Variants in FAM47E observed in about 807,000 individuals in gnomAD.
The protein encoded by FAM47E is family with sequence similarity 47 member E.
A neutral mutation model predicts 41.6 loss-of-function variants in FAM47E; 32 were observed. That is an observed-to-expected ratio of 0.77 (90% CI 0.58 to 1.03). FAM47E has a LOEUF of 1.03. Ranked by LOEUF, FAM47E falls within the 50% of genes least tolerant of loss-of-function variation. FAM47E has a pLI of 0.00. For synonymous variants in FAM47E, 184 were observed against 188.7 expected, an observed-to-expected ratio of 0.98 and a Z score of 0.20; for missense variants, 424 against 485.4, an observed-to-expected ratio of 0.87 and a Z score of 1.19.
Position 76,271,743 on chromosome 4 carries a change from A to G in FAM47E, c.845A>G (p.Tyr282Cys), listed in dbSNP as rs1278618373. The change falls in exon 5 of 8, where the codon TAT (tyrosine) becomes TGT (cysteine). Residue 282 changes from tyrosine (Y) to cysteine (C), a missense_variant. By Grantham distance (194) the Tyr-to-Cys change is radical (BLOSUM62 -2). Coordinates refer to ENST00000424749, the MANE Select transcript of FAM47E (RefSeq NM_001136570.3). ...QETEFFQKLG[Y>C]ERKLQKPQNP... is the part of the protein sequence containing the mutation. ...ACAGAGTTCTTCCAGAAACTAGGCT[A>G]TGAGAGGAAACTCCAGAAACCACAG... is the stretch of plus-strand genomic sequence containing the variant. The G allele has an allele frequency of 4.5e-6, 7 of 1,551,532 alleles. No individual in the cohort carries two copies. The East Asian group carries it at 1.5e-4, about 32-fold the overall frequency.
chr4:76,283,259 T>C (rs1228157844), intron 7 of FAM47E, 122 bp from the exon 8 acceptor site: 2 of 562,670 alleles, frequency 3.6e-6, no homozygotes, highest in Non-Finnish European at 6.5e-6. Context: ...TGATTTTGCA[T>C]AGTGTAAGGA....
rs191258934 is a variant in FAM47E, at chr4:76,278,343, T to C, written c.1026+119T>C. On this transcript the variant is annotated intron_variant, in intron 6 of 7. Coordinates refer to ENST00000424749, the MANE Select transcript of FAM47E (RefSeq NM_001136570.3). ...CAAAGGCTCCTGAAAGCCCTCCACC[T>C]TGCATATTGAATTCAGCAAGGAGAA... The C allele has an allele frequency of 5.5e-4, 614 of 1,112,588 alleles. 1 individual carries two copies. The highest frequency in any genetic ancestry group is 6.8e-4 in the Non-Finnish European group (578 of 853,070). The allele number at this position is 1,112,588 out of a possible 1,614,324, so 68.9% of individuals were successfully genotyped here. A position where few individuals can be genotyped will look rare whatever the true frequency, so the allele number is the denominator to read the frequency against.
chr4:76,275,634 A>G (rs1020958693), intron 5 of FAM47E, among the ~76,000 whole-genome samples: 2 of 152,186 alleles, frequency 1.3e-5, no homozygotes, highest in Non-Finnish European at 2.9e-5. Flanking sequence ...TGTGCAGGAC[A>G]TAGGAAGAGG....
chr4:76,254,295 G>T (rs975727693), intron 1 of FAM47E, among the ~76,000 whole-genome samples: 1 of 152,124 alleles, frequency 6.6e-6, no homozygotes, highest in Non-Finnish European at 1.5e-5. Flanking sequence ...TCTCAGATTT[G>T]ATTTCATGAA....
rs901386814 is a variant in FAM47E at position 76,271,475 on chromosome 4, C to G, written c.670-93C>G. ...GCATTTTCTACCTCTCCCCAAACTACCTCTTTCCTCAGCGATGGCCCTCAG... is the reference window on the plus strand; with the variant it reads ...GCATTTTCTACCTCTCCCCAAACTAGCTCTTTCCTCAGCGATGGCCCTCAG... On this transcript the variant is annotated intron_variant, in intron 4 of 7. Coordinates refer to ENST00000424749, the MANE Select transcript of FAM47E (RefSeq NM_001136570.3). The G allele has an allele frequency of 1.0e-5, 15 of 1,429,118 alleles. No homozygotes were observed. In the Admixed American group the frequency reaches 2.7e-4, roughly 25 times the overall value. 88.5% of individuals were successfully genotyped at this position (1,429,118 alleles called of 1,614,324 possible).
intron 4 of FAM47E, among the ~76,000 whole-genome samples, chr4:76,270,038 T>C (rs1734821197): frequency 6.6e-6 from 1 of 152,178 alleles, no homozygotes; most frequent in African/African-American, 2.4e-5. Flanking sequence ...CTTACTTCAT[T>C]GGCAAGTGAC....
In FAM47E at chr4:76,271,556, A is replaced by G. The variant is rs1248876561; in HGVS notation, c.670-12A>G. 2.6e-6 allele frequency: 4 copies of G among 1,551,792 alleles called. No individual in the cohort carries two copies. The highest frequency in any genetic ancestry group is 2.0e-5 in the Admixed American group (1 of 50,974). ...GATTGCCCTCAATTCATGCAATGTG[A>G]TATTCTTCCAGGGAATTTCGGACAT... On this transcript the variant is annotated splice_polypyrimidine_tract_variant and intron_variant, in intron 4 of 7. Transcript: ENST00000424749.
At chr4:76,225,346 GAC>G (rs1255383546) in intron 2 of FAM47E, among the ~76,000 whole-genome samples, 1 of 152,164 alleles carries the variant, frequency 6.6e-6, no homozygotes, top group African/African-American at 2.4e-5. Flanking sequence ...AGCGAACAGT[GAC>G]AGTTTGACTT....
chr4:76,262,492 C>A (rs1734461318), intron 2 of FAM47E, among the ~76,000 whole-genome samples: 1 of 152,084 alleles, frequency 6.6e-6, no homozygotes, highest in African/African-American at 2.4e-5. Flanking sequence ...ATCTTTGCAT[C>A]ATTTCTAATG....
intron 2 of FAM47E, among the ~76,000 whole-genome samples, chr4:76,260,802 G>A (rs956783209): frequency 1.3e-5 from 2 of 152,140 alleles, no homozygotes; most frequent in African/African-American, 2.4e-5. Flanking sequence ...GAAACTATTT[G>A]CAAACTATAC....
rs542592539 is a variant in FAM47E at position 76,282,606 on chromosome 4, C to G, written c.1105-775C>G. 7 of 152,282 alleles carry G rather than the reference C, an allele frequency of 4.6e-5. No homozygotes were observed. The South Asian group carries it at 1.4e-3, about 32-fold the overall frequency. 9.4% of individuals were successfully genotyped at this position (152,282 alleles called of 1,614,324 possible). A position where few individuals can be genotyped will look rare whatever the true frequency, so the allele number is the denominator to read the frequency against. On this transcript the variant is annotated intron_variant, in intron 7 of 7. Transcript: ENST00000424749. Reference sequence around the variant, plus strand: ...CATGCAATTTTGTATTTACAATAATCAGGAGCATTTCATCTTTTATTCCGT... The same window carrying G: ...CATGCAATTTTGTATTTACAATAATGAGGAGCATTTCATCTTTTATTCCGT...
At chr4:76,269,787 CAA>C (rs5859506) in intron 4 of FAM47E, among the ~76,000 whole-genome samples, 1 of 146,700 alleles carries the variant, frequency 6.8e-6, no homozygotes, top group African/African-American at 2.5e-5. Flanking sequence ...GATCCTGTCT[CAA>C]AAAAAAAAAA....
chr4:76,236,050 A>G (rs1448553088), intron 2 of FAM47E, among the ~76,000 whole-genome samples: 1 of 152,212 alleles, frequency 6.6e-6, no homozygotes, highest in Non-Finnish European at 1.5e-5. Flanking sequence ...ACCAGAGCAA[A>G]GTATAACAAC....
intron 2 of FAM47E, among the ~76,000 whole-genome samples, chr4:76,259,144 A>T (rs921969462): frequency 7.9e-5 from 12 of 152,214 alleles, no homozygotes; most frequent in Admixed American, 7.9e-4. Flanking sequence ...CCTCTGCCAA[A>T]TTATTCAATT....
At chr4:76,252,136 A>C (rs977527069) in intron 1 of FAM47E, among the ~76,000 whole-genome samples, 1 of 151,864 alleles carries the variant, frequency 6.6e-6, no homozygotes, top group Admixed American at 6.6e-5. Flanking sequence ...CCTGCTAGCC[A>C]CCCACCCTTT....
chr4:76,214,894 T>G (rs1733171379), intron 1 of FAM47E, among the ~76,000 whole-genome samples: 1 of 152,190 alleles, frequency 6.6e-6, no homozygotes, highest in African/African-American at 2.4e-5. Context: ...GCAGGTGTGA[T>G]CCTTGTGAAG....
chr4:76,271,740 G>A lies in FAM47E; in HGVS notation c.842G>A (p.Gly281Asp). ...LQETEFFQKL[G>D]YERKLQKPQN... ...GAGACAGAGTTCTTCCAGAAACTAGGCTATGAGAGGAAACTCCAGAAACCA... is the reference window on the plus strand; with the variant it reads ...GAGACAGAGTTCTTCCAGAAACTAGACTATGAGAGGAAACTCCAGAAACCA... Residue 281 changes from glycine to aspartate, a missense_variant, in exon 5 of 8, where the codon GGC (glycine) becomes GAC (aspartate). Physicochemically the swap from Gly to Asp is moderately conservative, Grantham distance 94. Transcript: ENST00000424749. 1 of 1,551,604 alleles carries A rather than the reference G, an allele frequency of 6.4e-7. No homozygotes were observed. The highest frequency in any genetic ancestry group is 1.2e-5 in the South Asian group (1 of 84,042).
Position 76,268,658 on chromosome 4 carries a change from A to G in FAM47E, c.561-2A>G. The G allele has an allele frequency of 6.5e-7, 1 of 1,549,594 alleles. No individual in the cohort carries two copies. The highest frequency in any genetic ancestry group is 8.7e-7 in the Non-Finnish European group (1 of 1,146,490). ...GTAATTCTTTAATGATCTTATCTTTAGTTCCAAGAAGACGTCTGTGTCAAA... is the reference window on the plus strand; with the variant it reads ...GTAATTCTTTAATGATCTTATCTTTGGTTCCAAGAAGACGTCTGTGTCAAA... On this transcript the variant is annotated splice_acceptor_variant, in intron 3 of 7. Coordinates refer to ENST00000424749, the MANE Select transcript of FAM47E (RefSeq NM_001136570.3). LOFTEE classifies it high-confidence loss of function.
chr4:76,256,631 G>GACATTCATCACTCCTCT, intron 2 of FAM47E, 108 bp downstream of exon 2: 1 of 1,307,516 alleles, frequency 7.6e-7, no homozygotes, highest in Non-Finnish European at 1.0e-6. Flanking sequence ...TATAAGAGGA[G>GACATTCATCACTCCTCT]TGATGAATGT....
Sources: gnomAD v4.1 joint callset for allele counts (sites outside exome capture counted in the v4.1 genomes callset) on GRCh38, gnomAD v4.1.1 for gene constraint, MANE v1.5 for transcripts, NCBI Gene and HGNC (gene_info 2026-07-23, HGNC 2026-07-21) for gene names.